Variants in CCDC148 observed in about 807,000 individuals in gnomAD.
The protein encoded by CCDC148 is coiled-coil domain-containing protein 148.
CCDC148 carries 89 observed loss-of-function variants against 85.7 expected under a neutral mutation model. The observed-to-expected ratio is 1.04, with a 90% CI of 0.87 to 1.24. The LOEUF (loss-of-function observed/expected upper bound fraction) is 1.24. Ranked by LOEUF, CCDC148 falls within the 50% of genes most tolerant of loss-of-function variation. The pLI is 0.00. For missense variants in CCDC148, 692 were observed against 671.7 expected, an observed-to-expected ratio of 1.03 and a Z score of -0.33; for synonymous variants, 230 against 213.9, an observed-to-expected ratio of 1.08 and a Z score of -0.66.
intron 9 of CCDC148, among the ~76,000 whole-genome samples, chr2:158,266,080 T>C (rs537116870): frequency 6.6e-6 from 1 of 152,268 alleles, no homozygotes; most frequent in South Asian, 2.1e-4. Flanking sequence ...CCACCTTTCA[T>C]ATCCACGCCT....
chr2:158,290,810 G>T (rs1208562012), intron 9 of CCDC148, among the ~76,000 whole-genome samples: 1 of 152,022 alleles, frequency 6.6e-6, no homozygotes, highest in Non-Finnish European at 1.5e-5. Flanking sequence ...GAATGCTAGC[G>T]TATACTCAGC....
At chr2:158,302,085 T>C (rs114667764) in intron 9 of CCDC148, among the ~76,000 whole-genome samples, 7,846 of 151,960 alleles carry the variant, frequency 0.052, 433 homozygotes, top group African/African-American at 0.14. Context: ...ATTTCTAAAG[T>C]AGTTGGGGGG....
chr2:158,395,429 A>C (rs2042084), intron 1 of CCDC148, among the ~76,000 whole-genome samples: 108,945 of 152,002 alleles, frequency 0.72, 39,858 homozygotes, highest in East Asian at 0.82. Flanking sequence ...CATGTTAACA[A>C]GTGAATGAAG....
chr2:158,313,965 G>T, intron 7 of CCDC148, 71 bp from the exon 8 acceptor site: 1 of 1,441,696 alleles, frequency 6.9e-7, no homozygotes, highest in Non-Finnish European at 9.4e-7. Flanking sequence ...AACTGTTCAA[G>T]CTACTAGCAA....
chr2:158,291,020 C>T (rs559758670), intron 9 of CCDC148, among the ~76,000 whole-genome samples: 7 of 152,220 alleles, frequency 4.6e-5, no homozygotes, highest in East Asian at 1.9e-4. Flanking sequence ...GTCACCGAGA[C>T]GATGGCAATA....
intron 2 of CCDC148, among the ~76,000 whole-genome samples, chr2:158,347,918 A>G (rs1298252938): frequency 6.6e-6 from 1 of 152,118 alleles, no homozygotes; most frequent in Non-Finnish European, 1.5e-5. Context: ...AGAAAAAACA[A>G]CTACAGTAAG....
At chr2:158,257,388 A>G (rs186195216) in intron 9 of CCDC148, among the ~76,000 whole-genome samples, 7 of 151,990 alleles carry the variant, frequency 4.6e-5, no homozygotes, top group South Asian at 2.1e-4. Context: ...ATTTTATTAA[A>G]TCTTTAACAG....
intron 1 of CCDC148, among the ~76,000 whole-genome samples, chr2:158,385,143 C>A (rs950986473): frequency 1.3e-5 from 2 of 152,162 alleles, no homozygotes; most frequent in Admixed American, 1.3e-4. Flanking sequence ...AATTCCTTCT[C>A]ATGGTTTGGA....
At chr2:158,293,342 C>G (rs1001969516) in intron 9 of CCDC148, among the ~76,000 whole-genome samples, 1 of 152,208 alleles carries the variant, frequency 6.6e-6, no homozygotes, top group Non-Finnish European at 1.5e-5. Context: ...TGTCTGCACA[C>G]TAGGTTGCAC....
chr2:158,349,979 A>T (rs977833288), intron 2 of CCDC148, among the ~76,000 whole-genome samples: 14 of 107,374 alleles, frequency 1.3e-4, no homozygotes, highest in African/African-American at 1.2e-4. Flanking sequence ...AAGACAAGGG[A>T]TTTTTTGAGA....
At chr2:158,266,357 G>A (rs917312117) in intron 9 of CCDC148, among the ~76,000 whole-genome samples, 1 of 152,170 alleles carries the variant, frequency 6.6e-6, no homozygotes, top group Non-Finnish European at 1.5e-5. Context: ...AGGAATGAGT[G>A]TAGGCCTGCG....
intron 9 of CCDC148, among the ~76,000 whole-genome samples, chr2:158,295,346 A>G (rs1393477981): frequency 6.6e-6 from 1 of 152,180 alleles, no homozygotes; most frequent in African/African-American, 2.4e-5. Flanking sequence ...TCAATAGAAA[A>G]AGAGGGAATC....
chr2:158,380,080 C>T (rs1407565740), intron 1 of CCDC148, among the ~76,000 whole-genome samples: 2 of 152,090 alleles, frequency 1.3e-5, no homozygotes, highest in Non-Finnish European at 2.9e-5. Flanking sequence ...ACCACTGCAG[C>T]CAGCTCTGTA....
intron 1 of CCDC148, among the ~76,000 whole-genome samples, chr2:158,364,148 A>G (rs1684095337): frequency 6.6e-6 from 1 of 152,208 alleles, no homozygotes; most frequent in South Asian, 2.1e-4. Flanking sequence ...CCACTACTCA[A>G]GGAAGTAAGA....
chr2:158,173,512 C>T (rs557829650), intron 13 of CCDC148, among the ~76,000 whole-genome samples: 18 of 151,820 alleles, frequency 1.2e-4, no homozygotes, highest in African/African-American at 4.3e-4. Flanking sequence ...AAATGGAGGC[C>T]GAGAGAGTGG....
intron 9 of CCDC148, among the ~76,000 whole-genome samples, chr2:158,273,601 C>T (rs533613946): frequency 1.4e-4 from 21 of 152,108 alleles, no homozygotes; most frequent in Non-Finnish European, 2.4e-4. Flanking sequence ...TGCCATCTCC[C>T]GACGCTCACA....
rs150764340 is a variant in CCDC148 at position 158,358,520 on chromosome 2, G to T, written c.76C>A (p.Pro26Thr). ...GCACGCAATTGTTGATAGTCTACTG[G>T]TTTGTACTTGATGTTTCTCATCTCA... ...KNEMRNIKYKPVDYQQLRALT... is the reference protein window; with the variant it reads ...KNEMRNIKYKTVDYQQLRALT... The change falls in exon 2 of 14, where the codon CCA becomes ACA. Residue 26 changes from proline to threonine, a missense_variant. By Grantham distance (38) the Pro-to-Thr change is conservative. Coordinates refer to ENST00000283233, the MANE Select transcript of CCDC148 (RefSeq NM_138803.4). 1 of 1,604,714 alleles carries T rather than the reference G, an allele frequency of 6.2e-7. No individual in the cohort carries two copies.
intron 9 of CCDC148, among the ~76,000 whole-genome samples, chr2:158,271,751 T>G (rs1284056509): frequency 2.0e-5 from 3 of 152,340 alleles, no homozygotes; most frequent in African/African-American, 7.2e-5. Flanking sequence ...TTTAGGCATC[T>G]ACTGGGGGTC....
At chr2:158,310,923 C>T (rs1332826430) in intron 8 of CCDC148, among the ~76,000 whole-genome samples, 10 of 150,396 alleles carry the variant, frequency 6.6e-5, no homozygotes, top group Middle Eastern at 7.1e-3. Flanking sequence ...GATGGGCGGC[C>T]GGGCAGAGAC....
Sources: allele counts gnomAD v4.1 joint callset (sites outside exome capture counted in the v4.1 genomes callset), GRCh38; gene constraint gnomAD v4.1.1; transcripts MANE v1.5; gene names NCBI Gene and HGNC (gene_info 2026-07-23, HGNC 2026-07-21).